Variants in CSMD3 observed in about 807,000 individuals in gnomAD.
CSMD3 encodes the protein CUB and Sushi multiple domains 3, also known as CUB and sushi domain-containing protein 3.
CSMD3 carries 177 observed loss-of-function variants against 435.2 expected under a neutral mutation model. The observed-to-expected ratio is 0.41, with a 90% CI of 0.36 to 0.46. The LOEUF (loss-of-function observed/expected upper bound fraction) is 0.46, where lower values mean the gene tolerates loss of function less well. CSMD3 is among the 20% of genes least tolerant of loss of function. The pLI is 0.34. For missense variants in CSMD3, 4,265 were observed against 4,504.6 expected (o/e 0.95, Z 1.52); for synonymous variants, 1,656 against 1,520.5 (o/e 1.09, Z -2.07).
At chr8:113,227,903 A>G (rs2093045672) in intron 3 of CSMD3, among the ~76,000 whole-genome samples, 1 of 151,630 alleles carries the variant, frequency 6.6e-6, no homozygotes, top group Admixed American at 6.6e-5. Context: ...ACAGTAAATC[A>G]AGAGCTTAAT....
intron 5 of CSMD3, among the ~76,000 whole-genome samples, chr8:113,021,736 G>A (rs1489070687): frequency 1.3e-5 from 2 of 152,222 alleles, no homozygotes; most frequent in African/African-American, 2.4e-5. Flanking sequence ...CTGTGTAACT[G>A]CAGTTTGCAA....
chr8:112,575,556 A>T (rs538410152), intron 23 of CSMD3, among the ~76,000 whole-genome samples: 1 of 152,218 alleles, frequency 6.6e-6, no homozygotes, highest in Non-Finnish European at 1.5e-5. Flanking sequence ...TCCTAATATT[A>T]TAAGGGAATA....
chr8:113,105,866 A>G (rs1019562275), intron 4 of CSMD3, among the ~76,000 whole-genome samples: 1 of 121,216 alleles, frequency 8.2e-6, no homozygotes, highest in Non-Finnish European at 1.6e-5. Context: ...AAAATTCACA[A>G]TGTTCAATAT....
intron 4 of CSMD3, among the ~76,000 whole-genome samples, chr8:113,107,972 A>G (rs1184190139): frequency 2.0e-5 from 3 of 152,354 alleles, no homozygotes; most frequent in South Asian, 2.1e-4. Context: ...AAGTATTTAA[A>G]TTGATCATCA....
intron 14 of CSMD3, among the ~76,000 whole-genome samples, chr8:112,688,525 C>T (rs559999310): frequency 6.6e-6 from 1 of 152,100 alleles, no homozygotes; most frequent in East Asian, 1.9e-4. Flanking sequence ...CTGTATAACT[C>T]ATGTATTTGA....
In CSMD3 at chr8:112,506,741, G is replaced by C. The variant is rs766162000; in HGVS notation, c.4845C>G (p.Asp1615Glu). ...AGTCTGCATTGACGGTGATAGTCCA[G>C]TCACAGTCTCTGCTATGCGGATATG... is the stretch of plus-strand genomic sequence containing the variant. ...PHPYPHSRDC[D>E]WTITVNADYV... Residue 1615 changes from aspartate to glutamate, a missense_variant, in exon 29 of 71, where the codon GAC becomes GAG. Asp to Glu is a conservative substitution (Grantham distance 45). This residue lies in a region of CSMD3 where 3,255 missense variants were observed against 3,380.2 expected (regional missense o/e 0.96). Transcript: ENST00000297405. The C allele has an allele frequency of 6.2e-7, 1 of 1,613,226 alleles. No homozygotes were observed. The highest frequency in any genetic ancestry group is 8.5e-7 in the Non-Finnish European group (1 of 1,179,220).
At chr8:113,341,278 C>G (rs1044037518) in intron 1 of CSMD3, among the ~76,000 whole-genome samples, 2 of 152,092 alleles carry the variant, frequency 1.3e-5, no homozygotes, top group African/African-American at 4.8e-5. Flanking sequence ...CATAATCACC[C>G]TACTGTGAAA....
In CSMD3 at chr8:112,798,786, C is replaced by G. The variant is rs140049051; in HGVS notation, c.1972+1376G>C. On this transcript the variant is annotated intron_variant, in intron 13 of 70. Transcript: ENST00000297405. ...GTTTAAATCACTATAGATTTTCTGA[C>G]AGGTAACCTTCGTAAGATGGAGAAA... 2.4e-3 allele frequency among the ~76,000 whole-genome samples: 360 copies of G among 151,894 alleles called. 1 individual carries two copies. Among genetic ancestry groups the G allele is most frequent in the African/African-American group, 8.3e-3 (344 of 41,536 alleles).
chr8:112,992,770 A>G (rs2131025710), intron 6 of CSMD3, among the ~76,000 whole-genome samples: 1 of 151,684 alleles, frequency 6.6e-6, no homozygotes, highest in East Asian at 1.9e-4. Flanking sequence ...TTCACTGTCA[A>G]TGGGTAGTGT....
intron 22 of CSMD3, among the ~76,000 whole-genome samples, chr8:112,628,335 C>A (rs1029382423): frequency 1.3e-4 from 19 of 151,984 alleles, no homozygotes; most frequent in African/African-American, 3.9e-4. Flanking sequence ...TTGTTTCTAT[C>A]AATCATAATC....
intron 65 of CSMD3, 118 bp downstream of exon 65, chr8:112,244,276 G>GAT: frequency 2.5e-6 from 2 of 808,716 alleles, no homozygotes; most frequent in Non-Finnish European, 4.2e-6. Flanking sequence ...CCTAGACTTG[G>GAT]AGTTAGCCAA....
intron 10 of CSMD3, among the ~76,000 whole-genome samples, chr8:112,876,646 A>C (rs1256767871): frequency 6.6e-6 from 1 of 152,170 alleles, no homozygotes; most frequent in Non-Finnish European, 1.5e-5. Flanking sequence ...TTCATGCTAA[A>C]AACTCTCAAT....
intron 32 of CSMD3, among the ~76,000 whole-genome samples, chr8:112,440,966 C>T (rs1181958185): frequency 6.6e-6 from 1 of 152,156 alleles, no homozygotes; most frequent in Non-Finnish European, 1.5e-5. Context: ...TTCCCCATTG[C>T]CTTGGTGATT....
At chr8:113,129,405 C>G (rs2091227078) in intron 4 of CSMD3, among the ~76,000 whole-genome samples, 1 of 151,912 alleles carries the variant, frequency 6.6e-6, no homozygotes, top group Admixed American at 6.6e-5. Flanking sequence ...TAGAGCCAGC[C>G]AAAGAATTTA....
At chr8:113,284,275 G>A (rs2093631171) in intron 2 of CSMD3, among the ~76,000 whole-genome samples, 1 of 152,096 alleles carries the variant, frequency 6.6e-6, no homozygotes, top group African/African-American at 2.4e-5. Flanking sequence ...TAAAACCAGT[G>A]CTTCTGTCAA....
chr8:113,028,958 C>A (rs951814426), intron 5 of CSMD3, among the ~76,000 whole-genome samples: 6 of 151,574 alleles, frequency 4.0e-5, no homozygotes, highest in Non-Finnish European at 8.9e-5. Context: ...TAGCTTTCTA[C>A]TGAAAGAAAA....
chr8:112,585,139 C>T (rs1830624752), intron 23 of CSMD3, among the ~76,000 whole-genome samples: 1 of 151,488 alleles, frequency 6.6e-6, no homozygotes, highest in Admixed American at 6.6e-5. Flanking sequence ...AAAGTTCACC[C>T]TAAATTGTCT....
chr8:113,059,271 A>G (rs1436891665), intron 5 of CSMD3, among the ~76,000 whole-genome samples: 1 of 152,142 alleles, frequency 6.6e-6, no homozygotes, highest in African/African-American at 2.4e-5. Flanking sequence ...AAAGCTTATT[A>G]TACTGGTGCT....
At chr8:113,229,679 C>T (rs993060693) in intron 3 of CSMD3, among the ~76,000 whole-genome samples, 1 of 151,490 alleles carries the variant, frequency 6.6e-6, no homozygotes, top group African/African-American at 2.4e-5. Context: ...ATAATGCTGA[C>T]ATAGATTTCC....
Sources: gnomAD v4.1 joint callset for allele counts (sites outside exome capture counted in the v4.1 genomes callset) on GRCh38, gnomAD v4.1.1 for gene constraint, gnomAD v4.1.1 regional missense constraint, MANE v1.5 for transcripts, NCBI Gene and HGNC (gene_info 2026-07-23, HGNC 2026-07-21) for gene names.